GJD2: variants seen among roughly 807,000 people sequenced by gnomAD.
GJD2 encodes gap junction protein delta 2.
A neutral mutation model predicts 24.3 loss-of-function variants in GJD2; 12 were observed. The observed-to-expected ratio is 0.49, with a 90% confidence interval of 0.32 to 0.80. GJD2 has a LOEUF of 0.80. GJD2 is among the 30% of genes least tolerant of loss of function. The probability of loss-of-function intolerance (pLI) is 0.04; values close to 1 mark genes in which losing one functional copy is unlikely to be tolerated. For synonymous variants in GJD2, 171 were observed against 155.2 expected, an observed-to-expected ratio of 1.10 and a Z score of -0.76; for missense variants, 268 against 402.4, an observed-to-expected ratio of 0.67 and a Z score of 2.86.
rs1040593119 is a variant in GJD2 at position 34,751,615 on chromosome 15, A to G, written c.*863T>C. The G allele has an allele frequency of 2.6e-5, 4 of 152,178 alleles. No homozygotes were observed. Among genetic ancestry groups the G allele is most frequent in the Non-Finnish European group, 5.9e-5 (4 of 68,032 alleles). 9.4% of individuals were successfully genotyped at this position (152,178 alleles called of 1,614,324 possible). On this transcript the variant is annotated 3_prime_UTR_variant, in exon 2 of 2. Transcript: ENST00000290374. ...GATATTAGCCAAAAAAAATCTTTTT[A>G]ATGTTAACCAAAGTCCACAAGCTGG...
At position 34,752,110 on chromosome 15, in the gene GJD2, T is replaced by C. The variant is rs1891112763; in HGVS notation, c.*368A>G. 3 of 225,282 alleles carry C rather than the reference T, an allele frequency of 1.3e-5. No homozygotes were observed. In the South Asian group the frequency reaches 2.9e-4, roughly 21 times the overall value. 14.0% of individuals were successfully genotyped at this position (225,282 alleles called of 1,614,324 possible). On this transcript the variant is annotated 3_prime_UTR_variant, in exon 2 of 2. Transcript: ENST00000290374. ...GTTGAGATAGGTCACAAATTTTATA[T>C]CAATGAAGTACTCAACTCACACCAT... is the stretch of plus-strand genomic sequence containing the variant.
At chr15:34,753,934 G>A (rs1386901941) in intron 1 of GJD2, among the ~76,000 whole-genome samples, 1 of 152,016 alleles carries the variant, frequency 6.6e-6, no homozygotes, top group African/African-American at 2.4e-5. Context: ...ATGGCAATTG[G>A]GTGTGTAGGC....
Position 34,751,964 on chromosome 15 carries a change from A to AAAAAAAG in GJD2, c.*513_*514insCTTTTTT, listed in dbSNP as rs1891110434. ...GTAAGGCCAGATTCTGGAAAAAAAA[A>AAAAAAAG]AAAAAAAAAAAAAAAAGCTGGCATG... On this transcript the variant is annotated 3_prime_UTR_variant, in exon 2 of 2. Transcript: ENST00000290374. 6.7e-6 allele frequency: 1 copy of AAAAAAAG among 148,466 alleles called. No homozygotes were observed. Among genetic ancestry groups the AAAAAAAG allele is most frequent in the Non-Finnish European group, 1.5e-5 (1 of 67,250 alleles). 9.2% of individuals were successfully genotyped at this position (148,466 alleles called of 1,614,324 possible). A position where few individuals can be genotyped will look rare whatever the true frequency, so the allele number is the denominator to read the frequency against.
In GJD2 at chr15:34,753,140, C is replaced by A. The variant is rs200316501; in HGVS notation, c.304G>T (p.Ala102Ser). ...GAGTAGCGGCGTTCTCGCTGCTTGG[C>A]GGACTGGTGCACAGAGTAGGTGATG... ...CFITYSVHQS[A>S]KQRERRYSTV... Residue 102 changes from alanine (A) to serine (S), a missense_variant, in exon 2 of 2, where the codon GCC (alanine) becomes TCC (serine). This residue lies in a region of GJD2 where 87 missense variants were observed against 77.8 expected (regional missense o/e 1.12). Coordinates refer to ENST00000290374, the MANE Select transcript of GJD2 (RefSeq NM_020660.3). The A allele has an allele frequency of 6.8e-6, 11 of 1,613,946 alleles. No homozygotes were observed. The highest frequency in any genetic ancestry group is 9.3e-6 in the Non-Finnish European group (11 of 1,180,026).
rs1239399241 is a variant in GJD2 at position 34,754,877 on chromosome 15, A to C, written c.-389T>G. 2 of 199,352 alleles carry C rather than the reference A, an allele frequency of 1.0e-5. No homozygotes were observed. The highest frequency in any genetic ancestry group is 2.0e-5 in the Non-Finnish European group (2 of 98,484). 12.3% of individuals were successfully genotyped at this position (199,352 alleles called of 1,614,324 possible). A position where few individuals can be genotyped will look rare whatever the true frequency, so the allele number is the denominator to read the frequency against. On this transcript the variant is annotated 5_prime_UTR_variant, in exon 1 of 2. Coordinates refer to ENST00000290374, the MANE Select transcript of GJD2 (RefSeq NM_020660.3). The surrounding 1 kb of genome is among the most constrained non-coding windows in gnomAD (Gnocchi z 5.9). Reference sequence around the variant, plus strand: ...CGCTCTCCGCCGCAGGTTGGGGGCCAGGGGAGGGTCCGAACACCGGCTCTG... The same window carrying C: ...CGCTCTCCGCCGCAGGTTGGGGGCCCGGGGAGGGTCCGAACACCGGCTCTG...
Position 34,754,274 on chromosome 15 carries a change from G to C in GJD2, c.71+144C>G. The C allele has an allele frequency of 1.5e-6, 1 of 650,042 alleles. No individual in the cohort carries two copies. Among genetic ancestry groups the C allele is most frequent in the African/African-American group, 1.8e-5 (1 of 55,410 alleles). The allele number at this position is 650,042 out of a possible 1,614,324, so 40.3% of individuals were successfully genotyped here. A position where few individuals can be genotyped will look rare whatever the true frequency, so the allele number is the denominator to read the frequency against. ...GCGTCGGGTAATCCCTCATCGCCGG[G>C]AACACCGGAGCCTTGACCTAGGACG... On this transcript the variant is annotated intron_variant, in intron 1 of 1. Coordinates refer to ENST00000290374, the MANE Select transcript of GJD2 (RefSeq NM_020660.3). The surrounding 1 kb of genome is among the most constrained non-coding windows in gnomAD (Gnocchi z 5.9).
At position 34,752,765 on chromosome 15, in the gene GJD2, C is replaced by G; in HGVS notation, c.679G>C (p.Gly227Arg). The change falls in exon 2 of 2, where the codon GGG (glycine) becomes CGG (arginine). Residue 227 changes from glycine (G) to arginine (R), a missense_variant. Gly to Arg is a moderately radical substitution (Grantham distance 125). Coordinates refer to ENST00000290374, the MANE Select transcript of GJD2 (RefSeq NM_020660.3). Reference protein sequence around the residue: ...QYFLYGFSVPGLYECNRYPCI... With the variant: ...QYFLYGFSVPRLYECNRYPCI... ...GGGTAGCGGTTACACTCATACAACCCTGGGACACTAAAGCCATAGAGAAAA... is the reference window on the plus strand; with the variant it reads ...GGGTAGCGGTTACACTCATACAACCGTGGGACACTAAAGCCATAGAGAAAA... The G allele has an allele frequency of 6.2e-7, 1 of 1,614,180 alleles. No homozygotes were observed. The highest frequency in any genetic ancestry group is 8.5e-7 in the Non-Finnish European group (1 of 1,180,038).
Position 34,752,321 on chromosome 15 carries a change from C to T in GJD2, c.*157G>A, listed in dbSNP as rs1595748633. ...GATATGTGAAAATGGGTCCACTTTT[C>T]CTCCTTTCCCATTGGTGCAAAATCT... On this transcript the variant is annotated 3_prime_UTR_variant, in exon 2 of 2. Coordinates refer to ENST00000290374, the MANE Select transcript of GJD2 (RefSeq NM_020660.3). 3.1e-6 allele frequency: 2 copies of T among 645,190 alleles called. No individual in the cohort carries two copies. The highest frequency in any genetic ancestry group is 5.5e-5 in the East Asian group (2 of 36,514). The allele number at this position is 645,190 out of a possible 1,614,324, so 40.0% of individuals were successfully genotyped here. A position where few individuals can be genotyped will look rare whatever the true frequency, so the allele number is the denominator to read the frequency against.
At position 34,752,854 on chromosome 15, in the gene GJD2, C is replaced by A; in HGVS notation, c.590G>T (p.Arg197Leu). ...GAACACCACTTGGATAATGTAGAAG[C>A]GGGAGATGCCTTCCTGCCTTCTGAG... ...SKLRRQEGIS[R>L]FYIIQVVFRN... The change falls in exon 2 of 2, where the codon CGC becomes CTC. Residue 197 changes from arginine to leucine, a missense_variant. By Grantham distance (102) the Arg-to-Leu change is moderately radical. Around this residue, in one of 3 missense-constraint regions of GJD2, gnomAD observed 115 missense variants for 195.2 expected, o/e 0.59. Transcript: ENST00000290374. The A allele has an allele frequency of 6.2e-7, 1 of 1,614,090 alleles. No individual in the cohort carries two copies. The highest frequency in any genetic ancestry group is 8.5e-7 in the Non-Finnish European group (1 of 1,180,004).
Position 34,752,911 on chromosome 15 carries a change from G to C in GJD2, c.533C>G (p.Pro178Arg). ...TTTTGATGCAGTGCGTAGACCTGAT[G>C]GGTGTGGAGTCAGCTCCTTAACCTC... is the stretch of plus-strand genomic sequence containing the variant. ...CLEVKELTPH[P>R]SGLRTASKSK... Residue 178 changes from proline (P) to arginine (R), a missense_variant, in exon 2 of 2, where the codon CCA (proline) becomes CGA (arginine). Physicochemically the swap from Pro to Arg is moderately radical, Grantham distance 103. Transcript: ENST00000290374. 1.2e-6 allele frequency: 2 copies of C among 1,614,148 alleles called. No homozygotes were observed. The highest frequency in any genetic ancestry group is 8.5e-7 in the Non-Finnish European group (1 of 1,179,994).
chr15:34,754,670 GGAAA>G lies in GJD2; in HGVS notation c.-186_-183del, dbSNP rs1891158745. ...ATTGTACTTAAAAGAGAAGAAATGGGGAAAGAAATCCAAGCGCGTCCCGACCGAT... is the reference window on the plus strand; with the variant it reads ...ATTGTACTTAAAAGAGAAGAAATGGGGAAATCCAAGCGCGTCCCGACCGAT... On this transcript the variant is annotated 5_prime_UTR_variant, in exon 1 of 2. Transcript: ENST00000290374. This position sits in a 1 kb window ranked among gnomAD's most constrained non-coding sequence, Gnocchi z 5.9. The G allele has an allele frequency of 5.0e-6, 3 of 600,426 alleles. No individual in the cohort carries two copies. The Admixed American group carries it at 8.4e-5, about 17-fold the overall frequency. The allele number at this position is 600,426 out of a possible 1,614,324, so 37.2% of individuals were successfully genotyped here.
At chr15:34,753,869 C>CAT (rs10665712) in intron 1 of GJD2, among the ~76,000 whole-genome samples, 126,320 of 151,336 alleles carry the variant, frequency 0.83, 52,821 homozygotes, top group East Asian at 0.94. Context: ...ATATTGAACT[C>CAT]ATATATATAT....
chr15:34,753,464 CCA>C, intron 1 of GJD2, 92 bp from the exon 2 acceptor site: 1 of 1,224,914 alleles, frequency 8.2e-7, no homozygotes, highest in Non-Finnish European at 1.1e-6. Context: ...CTGGTGTTTA[CCA>C]GTCTTTTGAC....
rs1595749424 is a variant in GJD2, at chr15:34,754,034, C to T, written c.71+384G>A. 6.6e-6 allele frequency among the ~76,000 whole-genome samples: 1 copy of T among 152,300 alleles called. No individual in the cohort carries two copies. Among genetic ancestry groups the T allele is most frequent in the Middle Eastern group, 3.4e-3 (1 of 294 alleles). ...GCTCTGAAGAGCAAATCCATCTCCCCATTTGCCCTTTTCTGTCCAAATGCA... is the reference window on the plus strand; with the variant it reads ...GCTCTGAAGAGCAAATCCATCTCCCTATTTGCCCTTTTCTGTCCAAATGCA... On this transcript the variant is annotated intron_variant, in intron 1 of 1. Coordinates refer to ENST00000290374, the MANE Select transcript of GJD2 (RefSeq NM_020660.3). The surrounding 1 kb of genome is among the most constrained non-coding windows in gnomAD (Gnocchi z 5.9).
In GJD2 at chr15:34,754,380, C is replaced by CCGA. The variant is rs1891154785; in HGVS notation, c.71+35_71+37dup. 6.5e-7 allele frequency: 1 copy of CCGA among 1,541,200 alleles called. No individual in the cohort carries two copies. The highest frequency in any genetic ancestry group is 1.7e-5 in the Admixed American group (1 of 59,846). ...GTGAGAAGGGACTCCCGGGGGCCGC[C>CCGA]CGACGGGGCCCCCTGACCGCCGGCT... On this transcript the variant is annotated intron_variant, in intron 1 of 1. Transcript: ENST00000290374. The surrounding 1 kb of genome is among the most constrained non-coding windows in gnomAD (Gnocchi z 5.9).
At position 34,752,699 on chromosome 15, in the gene GJD2, CAGTT is replaced by C; in HGVS notation, c.741_744del (p.Thr248ArgfsTer6). ...ATGAACACTAGAAAGACAGTCTTCTCAGTTGGCCGGGACACATAACATTCCACCT... is the reference window on the plus strand; with the variant it reads ...ATGAACACTAGAAAGACAGTCTTCTCGGCCGGGACACATAACATTCCACCT... On this transcript the variant is annotated frameshift_variant, in exon 2 of 2. Coordinates refer to ENST00000290374, the MANE Select transcript of GJD2 (RefSeq NM_020660.3). LOFTEE classifies it high-confidence loss of function. 6.2e-7 allele frequency: 1 copy of C among 1,614,186 alleles called. No individual in the cohort carries two copies. The highest frequency in any genetic ancestry group is 8.5e-7 in the Non-Finnish European group (1 of 1,180,032).
Position 34,752,061 on chromosome 15 carries a change from C to G in GJD2, c.*417G>C, listed in dbSNP as rs1015809607. ...GAAGAGTGCCTCAAGGATGTTTGTCCCATGGCTCAGGATAAAGGGATGGGT... is the reference window on the plus strand; with the variant it reads ...GAAGAGTGCCTCAAGGATGTTTGTCGCATGGCTCAGGATAAAGGGATGGGT... On this transcript the variant is annotated 3_prime_UTR_variant, in exon 2 of 2. Transcript: ENST00000290374. 2 of 165,964 alleles carry G rather than the reference C, an allele frequency of 1.2e-5. No individual in the cohort carries two copies. Among genetic ancestry groups the G allele is most frequent in the Admixed American group, 5.6e-5 (1 of 17,710 alleles). 10.3% of individuals were successfully genotyped at this position (165,964 alleles called of 1,614,324 possible).
At position 34,753,438 on chromosome 15, in the gene GJD2, T is replaced by G. The variant is rs942922520; in HGVS notation, c.72-66A>C. On this transcript the variant is annotated intron_variant, in intron 1 of 1. Transcript: ENST00000290374. ...TGCGTCACTGACAGGAAACCCCTGC[T>G]CCTCCCTTCCCTTTGCTGGTGTTTA... is the stretch of plus-strand genomic sequence containing the variant. The G allele has an allele frequency of 2.1e-6, 3 of 1,415,018 alleles. No homozygotes were observed. In the East Asian group the frequency reaches 6.9e-5, roughly 33 times the overall value. 87.7% of individuals were successfully genotyped at this position (1,415,018 alleles called of 1,614,324 possible).
Position 34,754,552 on chromosome 15 carries a change from C to G in GJD2, c.-64G>C. On this transcript the variant is annotated 5_prime_UTR_variant, in exon 1 of 2. Coordinates refer to ENST00000290374, the MANE Select transcript of GJD2 (RefSeq NM_020660.3). The surrounding 1 kb of genome is among the most constrained non-coding windows in gnomAD (Gnocchi z 5.9). ...CACCGGGCACGTTCCCGCTCCTGGC[C>G]CCTCCCCGGGCCGCACTTCCAGAAT... is the stretch of plus-strand genomic sequence containing the variant. The G allele has an allele frequency of 7.4e-7, 1 of 1,353,104 alleles. No individual in the cohort carries two copies. The highest frequency in any genetic ancestry group is 1.1e-6 in the Non-Finnish European group (1 of 943,566). 83.8% of individuals were successfully genotyped at this position (1,353,104 alleles called of 1,614,324 possible). A position where few individuals can be genotyped will look rare whatever the true frequency, so the allele number is the denominator to read the frequency against.
Sources: gnomAD v4.1 joint callset for allele counts (sites outside exome capture counted in the v4.1 genomes callset) on GRCh38, gnomAD v4.1.1 for gene constraint, gnomAD v4.1.1 regional missense constraint, Gnocchi (gnomAD v3.1) non-coding constraint, MANE v1.5 for transcripts, NCBI Gene and HGNC (gene_info 2026-07-23, HGNC 2026-07-21) for gene names.